The following CCDC63 variants were observed in gnomAD, a reference collection of about 807,000 sequenced individuals.
CCDC63 encodes coiled-coil domain containing 63, also known as coiled-coil domain-containing protein 63.
CCDC63 carries 54 observed loss-of-function variants against 63.6 expected under a neutral mutation model. The ratio of observed to expected loss-of-function variants is 0.85; its 90% CI spans 0.68 to 1.07. CCDC63 has a LOEUF of 1.07. CCDC63 is among the 50% of genes least tolerant of loss of function. CCDC63 has a pLI of 0.00. For synonymous variants in CCDC63, 253 were observed against 266.1 expected (o/e 0.95, Z 0.48); for missense variants, 637 against 689.6 (o/e 0.92, Z 0.86).
In CCDC63 at chr12:110,884,189, C is replaced by T. The variant is rs778436400; in HGVS notation, c.1013C>T (p.Thr338Met). The change falls in exon 8 of 12, where the codon ACG (threonine) becomes ATG (methionine). Residue 338 changes from threonine to methionine, a missense_variant. By Grantham distance (81) the Thr-to-Met change is moderately conservative. Transcript: ENST00000308208. ...AKEEKNFARFTYVTELNNDME... is the reference protein window; with the variant it reads ...AKEEKNFARFMYVTELNNDME... ...GAGGAGAAGAATTTTGCTCGGTTCA[C>T]GTATGTCACGGAGCTCAACAACGAC... 8.7e-6 allele frequency: 14 copies of T among 1,613,974 alleles called. No individual in the cohort carries two copies. The highest frequency in any genetic ancestry group is 8.3e-5 in the Admixed American group (5 of 59,972).
chr12:110,860,116 C>T (rs1439090891), intron 4 of CCDC63, among the ~76,000 whole-genome samples: 1 of 152,224 alleles, frequency 6.6e-6, no homozygotes, highest in Non-Finnish European at 1.5e-5. Context: ...TGAGTAGGGA[C>T]ATTGAAACAC....
intron 4 of CCDC63, among the ~76,000 whole-genome samples, chr12:110,864,261 T>C (rs1398051652): frequency 6.6e-6 from 1 of 152,216 alleles, no homozygotes; most frequent in Non-Finnish European, 1.5e-5. Context: ...TTATAACCTC[T>C]TAGTCCGTGG....
chr12:110,856,074 C>T (rs989648780), intron 3 of CCDC63, among the ~76,000 whole-genome samples: 1 of 150,798 alleles, frequency 6.6e-6, no homozygotes, highest in African/African-American at 2.4e-5. Context: ...CTCTGAAAAC[C>T]TCTTTTTTTT....
At chr12:110,888,841 CCTTCCTTCCT>C (rs767624002) in intron 8 of CCDC63, among the ~76,000 whole-genome samples, 4,905 of 123,726 alleles carry the variant, frequency 0.04, 210 homozygotes, top group East Asian at 0.13. Context: ...TTCCTTCCTT[CCTTCCTTCCT>C]TCCTTCCTTC....
intron 8 of CCDC63, among the ~76,000 whole-genome samples, chr12:110,886,321 G>T (rs746863901): frequency 1.3e-5 from 2 of 152,142 alleles, no homozygotes; most frequent in African/African-American, 4.8e-5. Context: ...GGGAGGTGGA[G>T]GTTGCAGTGA....
At chr12:110,900,226 AAAT>A (rs1004749940) in intron 10 of CCDC63, among the ~76,000 whole-genome samples, 1 of 151,954 alleles carries the variant, frequency 6.6e-6, no homozygotes, top group South Asian at 2.1e-4. Context: ...CAAACCAAAA[AAAT>A]AATAATAATA....
upstream of CCDC63, among the ~76,000 whole-genome samples, chr12:110,844,588 G>T (rs2070620061): frequency 6.6e-6 from 1 of 152,160 alleles, no homozygotes; most frequent in Non-Finnish European, 1.5e-5. Context: ...GCCTATTCCT[G>T]GACCAGTAGA....
chr12:110,885,288 T>G lies in CCDC63; in HGVS notation c.1074+1038T>G, dbSNP rs1205754604. The stretch of plus-strand genomic sequence containing the variant: ...CTTGTTAATCAACAGTTTCGAGGAG[T>G]GAGAACTCATTCTCATCTTGGCGAG... On this transcript the variant is annotated intron_variant, in intron 8 of 11. Coordinates refer to ENST00000308208, the MANE Select transcript of CCDC63 (RefSeq NM_152591.3). Among the ~76,000 whole-genome samples, 3 of 151,980 alleles carry G rather than the reference T, an allele frequency of 2.0e-5. No homozygotes were observed. In the East Asian group the frequency reaches 5.8e-4, roughly 29 times the overall value.
intron 1 of CCDC63, among the ~76,000 whole-genome samples, chr12:110,851,562 C>T (rs1331672787): frequency 2.0e-5 from 3 of 152,128 alleles, no homozygotes; most frequent in Non-Finnish European, 4.4e-5. Flanking sequence ...CTCTGATTCT[C>T]CCATCCAGAG....
At chr12:110,886,897 A>G (rs1359452044) in intron 8 of CCDC63, among the ~76,000 whole-genome samples, 1 of 152,090 alleles carries the variant, frequency 6.6e-6, no homozygotes, top group East Asian at 1.9e-4. Context: ...TCTTCCCCAG[A>G]AATGACCTTG....
intron 10 of CCDC63, 97 bp downstream of exon 10, chr12:110,899,222 G>A: frequency 1.8e-6 from 2 of 1,122,432 alleles, no homozygotes; most frequent in Non-Finnish European, 2.5e-6. Context: ...AGTGAGCTTT[G>A]TGGCAAAGTG....
At chr12:110,856,012 C>T (rs1023607982) in intron 3 of CCDC63, among the ~76,000 whole-genome samples, 7 of 152,198 alleles carry the variant, frequency 4.6e-5, no homozygotes, top group Middle Eastern at 6.8e-3. Flanking sequence ...TTACACCAGT[C>T]CTGGCCTTGC....
chr12:110,899,775 G>A (rs2136742676), intron 10 of CCDC63, among the ~76,000 whole-genome samples: 1 of 151,158 alleles, frequency 6.6e-6, no homozygotes, highest in South Asian at 2.1e-4. Flanking sequence ...ATAGTTATTA[G>A]AGAAAAATGA....
Position 110,884,119 on chromosome 12 carries a change from G to C in CCDC63, c.943G>C (p.Glu315Gln), listed in dbSNP as rs897283657. 6.2e-7 allele frequency: 1 copy of C among 1,614,072 alleles called. No homozygotes were observed. Among genetic ancestry groups the C allele is most frequent in the Non-Finnish European group, 8.5e-7 (1 of 1,180,036 alleles). ...CCACCTCCGGCTGCTGAAGCTGGCTGAGAGTGGGAACCTAAACCAGCTCAT... is the reference window on the plus strand; with the variant it reads ...CCACCTCCGGCTGCTGAAGCTGGCTCAGAGTGGGAACCTAAACCAGCTCAT... ...VAHLRLLKLA[E>Q]SGNLNQLIED... Residue 315 changes from glutamate to glutamine, a missense_variant, in exon 8 of 12, where the codon GAG (glutamate) becomes CAG (glutamine). Coordinates refer to ENST00000308208, the MANE Select transcript of CCDC63 (RefSeq NM_152591.3).
chr12:110,878,369 C>T (rs1285375321), intron 5 of CCDC63, among the ~76,000 whole-genome samples: 3 of 152,114 alleles, frequency 2.0e-5, no homozygotes, highest in African/African-American at 4.8e-5. Flanking sequence ...GGCTGGAGTG[C>T]AGTGGCGTGA....
In CCDC63 at chr12:110,876,241, C is replaced by A. The variant is rs555822769; in HGVS notation, c.489+2280C>A. 5.0e-5 allele frequency among the ~76,000 whole-genome samples: 7 copies of A among 140,200 alleles called. No individual in the cohort carries two copies. In the East Asian group the frequency reaches 1.0e-3, roughly 21 times the overall value. The allele number at this position is 140,200 out of a possible 152,430, so 92.0% of individuals were successfully genotyped here. On this transcript the variant is annotated intron_variant, in intron 5 of 11. Coordinates refer to ENST00000308208, the MANE Select transcript of CCDC63 (RefSeq NM_152591.3). ...CTCCCCATAGGTCAGGTCTTTCCCC[C>A]CCACAATCAGAGGATAGATAGTATG...
intron 4 of CCDC63, among the ~76,000 whole-genome samples, chr12:110,871,234 C>T (rs1231700704): frequency 3.3e-5 from 5 of 152,076 alleles, no homozygotes; most frequent in Admixed American, 2.0e-4. Context: ...CTCCGCCTCC[C>T]GGGTTCATGC....
At position 110,880,103 on chromosome 12, in the gene CCDC63, G is replaced by A. The variant is rs1250921809; in HGVS notation, c.671+16G>A. 1 of 1,610,424 alleles carries A rather than the reference G, an allele frequency of 6.2e-7. No individual in the cohort carries two copies. The highest frequency in any genetic ancestry group is 8.5e-7 in the Non-Finnish European group (1 of 1,177,398). On this transcript the variant is annotated intron_variant, in intron 6 of 11. Transcript: ENST00000308208. ...ATGAGCAGAGGTGGGCTGGGGATAG[G>A]TCCAGGGGCAGCGAGGTCTCTTAGC...
intron 3 of CCDC63, among the ~76,000 whole-genome samples, chr12:110,855,706 C>T (rs765125712): frequency 2.0e-5 from 3 of 151,972 alleles, no homozygotes; most frequent in Non-Finnish European, 2.9e-5. Context: ...CTCAGTCTCC[C>T]GAGTAGCTGG....
Sources: gnomAD v4.1 joint callset for allele counts (sites outside exome capture counted in the v4.1 genomes callset) on GRCh38, gnomAD v4.1.1 for gene constraint, MANE v1.5 for transcripts, NCBI Gene and HGNC (gene_info 2026-07-23, HGNC 2026-07-21) for gene names.